Variants in TOGARAM2 observed in about 807,000 individuals in gnomAD.
The protein encoded by TOGARAM2 is TOG array regulator of axonemal microtubules 2.
Under a neutral mutation model 93.3 loss-of-function variants are expected in TOGARAM2, and 85 were observed. The observed-to-expected ratio is 0.91, with a 90% confidence interval of 0.76 to 1.09. The LOEUF is 1.09. Ranked by LOEUF, TOGARAM2 falls within the 50% of genes least tolerant of loss-of-function variation. TOGARAM2 has a pLI of 0.00. For synonymous variants in TOGARAM2, 593 were observed against 552.8 expected, an observed-to-expected ratio of 1.07 and a Z score of -1.02; for missense variants, 1,277 against 1,334.5, an observed-to-expected ratio of 0.96 and a Z score of 0.67.
intron 18 of TOGARAM2, among the ~76,000 whole-genome samples, chr2:29,040,489 A>G (rs1666367399): frequency 6.6e-6 from 1 of 152,192 alleles, no homozygotes; most frequent in Non-Finnish European, 1.5e-5. Context: ...CCTGATAGCA[A>G]TAACTTTAGC....
intron 19 of TOGARAM2, chr2:29,048,898 G>C (rs1572803382): frequency 6.8e-6 from 1 of 146,188 alleles, no homozygotes; most frequent in African/African-American, 2.6e-5. Context: ...TGCCCAGGCT[G>C]GGGTGTAGTG....
In TOGARAM2 at chr2:29,033,039, C is replaced by T. The variant is rs776559243; in HGVS notation, c.2118C>T (p.Ala706=). The change falls in exon 15 of 20, where the codon GCC becomes GCT. Residue 706 remains alanine (A), a synonymous_variant. Coordinates refer to ENST00000379558, the MANE Select transcript of TOGARAM2 (RefSeq NM_199280.4). The stretch of plus-strand genomic sequence containing the variant: ...ACGACTTGCAGAAGGTCATGGCGGC[C>T]ATTAAACAGCAGGTGAGCTGTGGGG... ...PSYDLQKVMA[A]IKQQGIEDND... 1 of 1,613,256 alleles carries T rather than the reference C, an allele frequency of 6.2e-7. No homozygotes were observed.
intron 1 of TOGARAM2, among the ~76,000 whole-genome samples, chr2:28,988,107 C>G (rs1406112187): frequency 6.6e-6 from 1 of 152,178 alleles, no homozygotes; most frequent in Non-Finnish European, 1.5e-5. Context: ...GTCTGCAGCT[C>G]CAGAGAGGGA....
intron 8 of TOGARAM2, among the ~76,000 whole-genome samples, chr2:29,016,782 T>C (rs1376354879): frequency 6.6e-6 from 1 of 152,190 alleles, no homozygotes; most frequent in Non-Finnish European, 1.5e-5. Flanking sequence ...ACACCCGGCC[T>C]CAGAGCTTTT....
intron 1 of TOGARAM2, among the ~76,000 whole-genome samples, chr2:28,958,374 T>C (rs1671755088): frequency 6.6e-6 from 1 of 151,718 alleles, no homozygotes; most frequent in Non-Finnish European, 1.5e-5. Context: ...GGCATGATCA[T>C]GGCTCACTGC....
intron 1 of TOGARAM2, among the ~76,000 whole-genome samples, chr2:28,970,117 G>A (rs911532421): frequency 6.6e-6 from 1 of 152,180 alleles, no homozygotes; most frequent in Non-Finnish European, 1.5e-5. Flanking sequence ...GACATCGGTT[G>A]TCTTGTATAC....
intron 1 of TOGARAM2, among the ~76,000 whole-genome samples, chr2:28,966,079 TG>T (rs1335788629): frequency 6.6e-6 from 1 of 151,986 alleles, no homozygotes; most frequent in Non-Finnish European, 1.5e-5. Flanking sequence ...TGGAGTGCAG[TG>T]GCACGATTTT....
intron 1 of TOGARAM2, among the ~76,000 whole-genome samples, chr2:28,973,701 T>A (rs1249139347): frequency 6.6e-6 from 1 of 151,738 alleles, no homozygotes; most frequent in African/African-American, 2.4e-5. Flanking sequence ...TAAAAAAAAA[T>A]GTTTTTGTAG....
chr2:28,968,817 A>AG (rs1470807906), intron 1 of TOGARAM2, among the ~76,000 whole-genome samples: 1 of 68,784 alleles, frequency 1.5e-5, no homozygotes, highest in African/African-American at 5.2e-5. Flanking sequence ...GACTCTGTCA[A>AG]AAAAAAAAAA....
intron 1 of TOGARAM2, among the ~76,000 whole-genome samples, chr2:28,959,981 G>A (rs921025242): frequency 9.2e-5 from 14 of 152,200 alleles, no homozygotes; most frequent in African/African-American, 3.1e-4. Flanking sequence ...TACAAACCTG[G>A]ACAGCATGTT....
chr2:28,986,725 G>A (rs6728661), intron 1 of TOGARAM2, among the ~76,000 whole-genome samples: 70,741 of 151,992 alleles, frequency 0.47, 17,106 homozygotes, highest in Middle Eastern at 0.56. Flanking sequence ...TGGCCCAAAG[G>A]CTTTCAAAAG....
chr2:29,022,137 GTTTC>G lies in TOGARAM2; in HGVS notation c.1361-14_1361-11del, dbSNP rs1258495435. 6.2e-7 allele frequency: 1 copy of G among 1,613,880 alleles called. No homozygotes were observed. Among genetic ancestry groups the G allele is most frequent in the Non-Finnish European group, 8.5e-7 (1 of 1,179,844 alleles). On this transcript the variant is annotated splice_polypyrimidine_tract_variant and intron_variant, in intron 10 of 19. Transcript: ENST00000379558. ...CCTGTCCTGCTGCGTGAAGCCTGCT[GTTTC>G]TTTCTTGTGAATGCAGCTAACTCAT...
Position 29,003,539 on chromosome 2 carries a change from G to T in TOGARAM2, c.687G>T (p.Gln229His), listed in dbSNP as rs1011610351. The T allele has an allele frequency of 6.3e-7, 1 of 1,591,352 alleles. No individual in the cohort carries two copies. Among genetic ancestry groups the T allele is most frequent in the Non-Finnish European group, 8.5e-7 (1 of 1,169,744 alleles). Residue 229 changes from glutamine to histidine, a missense_variant, in exon 6 of 20, where the codon CAG becomes CAT. Gln to His is a conservative substitution (Grantham distance 24, BLOSUM62 0). Transcript: ENST00000379558. ...TGCACTGCAATGATGAGAAGATGCA[G>T]AAGTCCCTGGGCGCCATCGTGATCC... ...QYLHCNDEKM[Q>H]KSLGAIVIPP...
At chr2:28,976,108 C>T (rs529090969) in intron 1 of TOGARAM2, among the ~76,000 whole-genome samples, 2 of 152,344 alleles carry the variant, frequency 1.3e-5, no homozygotes, top group South Asian at 2.1e-4. Flanking sequence ...TGGCGGCTCA[C>T]GCCTGTAATC....
At chr2:29,003,899 T>C (rs1456857846) in intron 6 of TOGARAM2, among the ~76,000 whole-genome samples, 3 of 152,176 alleles carry the variant, frequency 2.0e-5, no homozygotes, top group Admixed American at 6.5e-5. Flanking sequence ...GCAGGCTGGG[T>C]CAATGGCATC....
intron 6 of TOGARAM2, among the ~76,000 whole-genome samples, chr2:29,004,377 G>T (rs1037625920): frequency 2.0e-5 from 3 of 152,226 alleles, no homozygotes; most frequent in African/African-American, 7.2e-5. Flanking sequence ...AATACAACCA[G>T]TATCATGTGT....
chr2:29,022,669 C>A (rs1448719477), intron 11 of TOGARAM2, among the ~76,000 whole-genome samples: 1 of 152,194 alleles, frequency 6.6e-6, no homozygotes, highest in Non-Finnish European at 1.5e-5. Flanking sequence ...CTGCTCCGAG[C>A]GCTCCTCCCA....
At chr2:28,992,651 C>A (rs1169285188) in intron 1 of TOGARAM2, among the ~76,000 whole-genome samples, 1 of 152,186 alleles carries the variant, frequency 6.6e-6, no homozygotes, top group Non-Finnish European at 1.5e-5. Context: ...TTTGGGGAAA[C>A]TGAAGCAGCA....
At position 29,003,600 on chromosome 2, in the gene TOGARAM2, C is replaced by CCCT. The variant is rs778174040; in HGVS notation, c.751_753dup (p.Ser251dup). The CCCT allele has an allele frequency of 6.3e-7, 1 of 1,594,746 alleles. No individual in the cohort carries two copies. The highest frequency in any genetic ancestry group is 1.1e-5 in the South Asian group (1 of 87,476). On this transcript the variant is annotated inframe_insertion, in exon 6 of 20. Transcript: ENST00000379558. ...AAAGGCCAGGACGGTTGCAGCGACC[C>CCCT]CCTCCCGTGTGCCTGGCTCCCTTCC... is the stretch of plus-strand genomic sequence containing the variant.
Sources: gnomAD v4.1 joint callset for allele counts (sites outside exome capture counted in the v4.1 genomes callset) on GRCh38, gnomAD v4.1.1 for gene constraint, MANE v1.5 for transcripts, NCBI Gene and HGNC (gene_info 2026-07-23, HGNC 2026-07-21) for gene names.